OTOGL: variants seen among roughly 807,000 people sequenced by gnomAD.
OTOGL encodes otogelin like.
OTOGL carries 285 observed loss-of-function variants against 318.5 expected under a neutral mutation model. The ratio of observed to expected loss-of-function variants is 0.89; its 90% CI spans 0.81 to 0.99. OTOGL has a LOEUF of 0.99. Among genes scored for constraint, OTOGL ranks in the 50% least tolerant of loss-of-function variants. OTOGL has a pLI of 0.00. For synonymous variants in OTOGL, 987 were observed against 936.5 expected (o/e 1.05, Z -0.99); for missense variants, 2,899 against 2,845.6 (o/e 1.02, Z -0.43).
intron 6 of OTOGL, among the ~76,000 whole-genome samples, chr12:80,221,381 C>T (rs1252482529): frequency 1.3e-5 from 2 of 151,714 alleles, no homozygotes; most frequent in Admixed American, 1.3e-4. Context: ...TCTTGTGTCT[C>T]AGCCTCCTGG....
At chr12:80,111,277 T>C (rs1174829989) in intron 1 of OTOGL, among the ~76,000 whole-genome samples, 3 of 152,240 alleles carry the variant, frequency 2.0e-5, no homozygotes, top group Non-Finnish European at 4.4e-5. Context: ...CAATCTTGGC[T>C]CTTGTTGCCA....
intron 1 of OTOGL, among the ~76,000 whole-genome samples, chr12:80,153,985 T>C (rs1438281070): frequency 2.6e-5 from 4 of 152,176 alleles, no homozygotes; most frequent in African/African-American, 7.2e-5. Context: ...TATATGACTT[T>C]AACCTTATTT....
At chr12:80,136,867 C>T (rs1871606354) in intron 1 of OTOGL, among the ~76,000 whole-genome samples, 1 of 151,912 alleles carries the variant, frequency 6.6e-6, no homozygotes, top group African/African-American at 2.4e-5. Context: ...TCTTATTTTT[C>T]AGTGTCTCTT....
chr12:80,271,571 T>C, intron 23 of OTOGL, 77 bp from the exon 24 acceptor site: 1 of 1,380,376 alleles, frequency 7.2e-7, no homozygotes, highest in Non-Finnish European at 9.9e-7. Flanking sequence ...ATAAACCTAT[T>C]TTATGAATTT....
At chr12:80,196,736 C>A (rs1408895142) in intron 1 of OTOGL, among the ~76,000 whole-genome samples, 1 of 152,188 alleles carries the variant, frequency 6.6e-6, no homozygotes, top group Non-Finnish European at 1.5e-5. Flanking sequence ...CTGATGAAAG[C>A]CACTGTAACC....
chr12:80,272,166 T>C (rs1468002000), intron 24 of OTOGL, among the ~76,000 whole-genome samples: 3 of 152,114 alleles, frequency 2.0e-5, no homozygotes, highest in Non-Finnish European at 2.9e-5. Flanking sequence ...TGTGAAGTTG[T>C]AATAGTGATG....
chr12:80,285,961 G>A (rs1310602667), intron 26 of OTOGL, among the ~76,000 whole-genome samples: 1 of 152,122 alleles, frequency 6.6e-6, no homozygotes, highest in Non-Finnish European at 1.5e-5. Flanking sequence ...GTTTTCAAAG[G>A]GAATGCTTCC....
intron 8 of OTOGL, 79 bp from the exon 9 acceptor site, chr12:80,232,813 T>G (rs1879481541): frequency 8.4e-7 from 1 of 1,196,516 alleles, no homozygotes; most frequent in African/African-American, 1.5e-5. Context: ...TTTAATTGTA[T>G]CTCAGTCACT....
At chr12:80,339,001 AG>A (rs1472520760) in intron 42 of OTOGL, 73 bp from the exon 43 acceptor site, 57 of 1,199,656 alleles carry the variant, frequency 4.8e-5, no homozygotes, top group Non-Finnish European at 6.3e-5. Context: ...ATCAGAATAA[AG>A]GAATAATCTG....
At chr12:80,156,983 A>G (rs1873165684) in intron 1 of OTOGL, among the ~76,000 whole-genome samples, 1 of 152,152 alleles carries the variant, frequency 6.6e-6, no homozygotes, top group African/African-American at 2.4e-5. Context: ...ATCATAGGGT[A>G]GCTCAATTTT....
chr12:80,265,232 A>G, intron 20 of OTOGL, 22 bp downstream of exon 20: 1 of 1,594,002 alleles, frequency 6.3e-7, no homozygotes, highest in East Asian at 2.2e-5. Flanking sequence ...GGCACAGATA[A>G]AGACTATCAG....
In OTOGL at chr12:80,263,244, C is replaced by G. The variant is rs76263188; in HGVS notation, c.2014+1151C>G. Reference sequence around the variant, plus strand: ...TAACAATACCTTCCTCCATTCTGTCCCCAACTTTCAACTAATCTACTCCTC... The same window carrying G: ...TAACAATACCTTCCTCCATTCTGTCGCCAACTTTCAACTAATCTACTCCTC... On this transcript the variant is annotated intron_variant, in intron 19 of 58. Transcript: ENST00000547103. Among the ~76,000 whole-genome samples the G allele has an allele frequency of 2.3e-3, 348 of 152,124 alleles. 4 individuals carry two copies. The highest frequency in any genetic ancestry group is 8.0e-3 in the African/African-American group (333 of 41,500).
intron 26 of OTOGL, among the ~76,000 whole-genome samples, chr12:80,285,451 CTA>C (rs1167052590): frequency 1.3e-5 from 2 of 152,098 alleles, no homozygotes; most frequent in African/African-American, 4.8e-5. Context: ...AGCATTGAAT[CTA>C]TAAATTACTT....
At chr12:80,293,197 CT>C (rs570270387) in intron 26 of OTOGL, among the ~76,000 whole-genome samples, 1 of 152,180 alleles carries the variant, frequency 6.6e-6, no homozygotes, top group African/African-American at 2.4e-5. Flanking sequence ...TCTCTCTTCC[CT>C]TTTTTTCTTG....
Position 80,229,510 on chromosome 12 carries a change from A to G in OTOGL, c.611+132A>G, listed in dbSNP as rs1267333988. ...TCAACAATACTCTTAAAGCTATAACATACAGACATCAAAACTTCGGTAGGC... is the reference window on the plus strand; with the variant it reads ...TCAACAATACTCTTAAAGCTATAACGTACAGACATCAAAACTTCGGTAGGC... On this transcript the variant is annotated intron_variant, in intron 8 of 58. Transcript: ENST00000547103. 3 of 1,254,620 alleles carry G rather than the reference A, an allele frequency of 2.4e-6. No homozygotes were observed. The African/African-American group carries it at 4.5e-5, about 19-fold the overall frequency. 77.7% of individuals were successfully genotyped at this position (1,254,620 alleles called of 1,614,324 possible). A position where few individuals can be genotyped will look rare whatever the true frequency, so the allele number is the denominator to read the frequency against.
intron 1 of OTOGL, among the ~76,000 whole-genome samples, chr12:80,206,938 GC>G (rs60977009): frequency 0.05 from 7,656 of 152,160 alleles, 636 homozygotes; most frequent in African/African-American, 0.18. Context: ...TGACTGTGAT[GC>G]TTTTGAATAA....
At chr12:80,252,342 G>A in intron 13 of OTOGL, 141 bp downstream of exon 13, 1 of 931,574 alleles carries the variant, frequency 1.1e-6, no homozygotes, top group African/African-American at 1.7e-5. Context: ...GTTGGTCCTT[G>A]AAGTGACAAG....
rs1468269792 is a variant in OTOGL, at chr12:80,320,617, T to C, written c.3998T>C (p.Ile1333Thr). 5.6e-6 allele frequency: 9 copies of C among 1,611,610 alleles called. No homozygotes were observed. The highest frequency in any genetic ancestry group is 4.5e-5 in the East Asian group (2 of 44,870). ...FELYSKKGFF[I>T]IFTDSSVKAS... ...TTATACAGCAAGAAAGGCTTTTTCA[T>C]CATATTCACAGATTCTAGTGTCAAA... is the stretch of plus-strand genomic sequence containing the variant. The change falls in exon 34 of 59, where the codon ATC becomes ACC. Residue 1333 changes from isoleucine to threonine, a missense_variant. Around this residue, in one of 3 missense-constraint regions of OTOGL, gnomAD observed 2,607 missense variants for 2,524.9 expected, o/e 1.03. Transcript: ENST00000547103.
chr12:80,336,450 A>C lies in OTOGL; in HGVS notation c.4638A>C (p.Thr1546=). The change falls in exon 40 of 59, where the codon ACA becomes ACC. Residue 1546 remains threonine (T), a synonymous_variant. Coordinates refer to ENST00000547103, the MANE Select transcript of OTOGL (RefSeq NM_001378609.3). ...TGTTGTCAGAACTGAGCATTATTAC[A>C]TTTGATGGAAACAACGCAGCATTAT... ...CSMLSELSII[T]FDGNNAALYS... 6.2e-7 allele frequency: 1 copy of C among 1,609,578 alleles called. No individual in the cohort carries two copies. Among genetic ancestry groups the C allele is most frequent in the Non-Finnish European group, 8.5e-7 (1 of 1,177,516 alleles).
Sources: allele counts gnomAD v4.1 joint callset (sites outside exome capture counted in the v4.1 genomes callset), GRCh38; gene constraint gnomAD v4.1.1; regional missense constraint gnomAD v4.1.1; transcripts MANE v1.5; gene names NCBI Gene and HGNC (gene_info 2026-07-23, HGNC 2026-07-21).